The following CDC42SE2 variants were observed in gnomAD, a reference collection of about 807,000 sequenced individuals.
The protein encoded by CDC42SE2 is CDC42 small effector protein 2.
In CDC42SE2, 3 loss-of-function variants were observed where a neutral mutation model predicts 11.5. That is an observed-to-expected ratio of 0.26 (90% CI 0.12 to 0.67). CDC42SE2 has a LOEUF of 0.67. Among genes scored for constraint, CDC42SE2 ranks in the 30% least tolerant of loss-of-function variants. The probability of loss-of-function intolerance (pLI) is 0.80; values close to 1 mark genes in which losing one functional copy is unlikely to be tolerated. For missense variants in CDC42SE2, 82 were observed against 106.8 expected, an observed-to-expected ratio of 0.77 and a Z score of 1.02; for synonymous variants, 33 against 34.8, an observed-to-expected ratio of 0.95 and a Z score of 0.18.
chr5:131,306,326 A>G (rs1757776737), intron 1 of CDC42SE2, among the ~76,000 whole-genome samples: 1 of 152,178 alleles, frequency 6.6e-6, no homozygotes, highest in South Asian at 2.1e-4. Flanking sequence ...CCTCACAGAT[A>G]AGGGGAGACT....
intron 2 of CDC42SE2, among the ~76,000 whole-genome samples, chr5:131,355,505 A>G (rs1193786611): frequency 6.6e-6 from 1 of 151,974 alleles, no homozygotes; most frequent in Non-Finnish European, 1.5e-5. Context: ...AGAGAAAGAG[A>G]AGAGAGAGAA....
chr5:131,319,595 A>G (rs1758117931), intron 2 of CDC42SE2, among the ~76,000 whole-genome samples: 1 of 152,162 alleles, frequency 6.6e-6, no homozygotes, highest in African/African-American at 2.4e-5. Context: ...ACCCAAAAGA[A>G]TACTTAGAAA....
intron 2 of CDC42SE2, chr5:131,255,452 A>G (rs1287379391): frequency 6.6e-6 from 1 of 152,158 alleles, no homozygotes. Context: ...GCCATAATTT[A>G]GTTACTTTTA....
intron 3 of CDC42SE2, among the ~76,000 whole-genome samples, chr5:131,366,286 T>C (rs573793999): frequency 6.6e-6 from 1 of 152,324 alleles, no homozygotes; most frequent in African/African-American, 2.4e-5. Context: ...AGAAAGGCTC[T>C]TTTCAAAACT....
In CDC42SE2 at chr5:131,295,462, A is replaced by G. The variant is rs952972971; in HGVS notation, c.-454-20514A>G. Among the ~76,000 whole-genome samples the G allele has an allele frequency of 5.9e-5, 9 of 152,188 alleles. No homozygotes were observed. The East Asian group carries it at 9.6e-4, about 16-fold the overall frequency. On this transcript the variant is annotated intron_variant, in intron 1 of 4. Coordinates refer to ENST00000505065, the MANE Select transcript of CDC42SE2 (RefSeq NM_001375635.1). ...GTACTGCAAATGAAAAACAAGTTCT[A>G]CATATACAGAATGGTCTCCAAGACA...
intron 2 of CDC42SE2, among the ~76,000 whole-genome samples, chr5:131,258,004 G>A (rs1756692026): frequency 6.6e-6 from 1 of 151,956 alleles, no homozygotes; most frequent in South Asian, 2.1e-4. Context: ...CTGCAGCCCT[G>A]GTGCTGAGTC....
chr5:131,255,290 A>G (rs1756671238), intron 2 of CDC42SE2: 1 of 152,160 alleles, frequency 6.6e-6, no homozygotes, highest in Non-Finnish European at 1.5e-5. Flanking sequence ...TATATCATTA[A>G]TACATTTTAT....
intron 1 of CDC42SE2, among the ~76,000 whole-genome samples, chr5:131,253,308 C>T (rs1214790345): frequency 6.6e-6 from 1 of 152,188 alleles, no homozygotes; most frequent in African/African-American, 2.4e-5. Context: ...TGCTAAATTG[C>T]TGGATTGTCT....
chr5:131,359,619 T>C (rs767176791), intron 3 of CDC42SE2, 72 bp downstream of exon 3: 157 of 1,105,522 alleles, frequency 1.4e-4, no homozygotes, highest in South Asian at 5.6e-4. Context: ...AAACTGAGGA[T>C]TGGGATCCTA....
intron 1 of CDC42SE2, among the ~76,000 whole-genome samples, chr5:131,287,373 CTTTTA>C (rs1224909734): frequency 6.6e-6 from 1 of 152,050 alleles, no homozygotes; most frequent in African/African-American, 2.4e-5. Flanking sequence ...TTTTTCTTTT[CTTTTA>C]ATCTGAACCA....
Position 131,322,219 on chromosome 5 carries a change from A to G in CDC42SE2, c.-286+6075A>G, listed in dbSNP as rs1466133355. On this transcript the variant is annotated intron_variant, in intron 2 of 4. Coordinates refer to ENST00000505065, the MANE Select transcript of CDC42SE2 (RefSeq NM_001375635.1). ...TATCATCTTATCCATTTCTGAGTGTACAGTTGAGTAGTGTTAAGTATGTTC... is the reference window on the plus strand; with the variant it reads ...TATCATCTTATCCATTTCTGAGTGTGCAGTTGAGTAGTGTTAAGTATGTTC... 4.6e-5 allele frequency among the ~76,000 whole-genome samples: 7 copies of G among 152,304 alleles called. No individual in the cohort carries two copies. The East Asian group carries it at 1.4e-3, about 29-fold the overall frequency.
intron 4 of CDC42SE2, among the ~76,000 whole-genome samples, chr5:131,389,867 T>C (rs557853521): frequency 2.0e-5 from 3 of 152,318 alleles, no homozygotes; most frequent in Non-Finnish European, 4.4e-5. Context: ...CAAAATCATA[T>C]TGCTTGTGTT....
chr5:131,232,606 C>A, the CDC42SE2 span, among the ~76,000 whole-genome samples: 18 of 151,696 alleles, frequency 1.2e-4, no homozygotes, highest in Non-Finnish European at 2.2e-4. Flanking sequence ...TGTTGGCGGG[C>A]GCCTGTAATC....
At chr5:131,264,038 C>A (rs1331361561), upstream of CDC42SE2, 1 of 151,696 alleles carries the variant, frequency 6.6e-6, no homozygotes, top group African/African-American at 2.4e-5. Context: ...CGAGCCTGGG[C>A]GGGGAGGGGG....
At chr5:131,237,642 G>A in the CDC42SE2 span, among the ~76,000 whole-genome samples, 2 of 152,110 alleles carry the variant, frequency 1.3e-5, no homozygotes, top group African/African-American at 4.8e-5. Flanking sequence ...GCAGTGGCAC[G>A]AGCATAGCTT....
the CDC42SE2 span, among the ~76,000 whole-genome samples, chr5:131,228,806 C>T: frequency 6.6e-6 from 1 of 152,132 alleles, no homozygotes; most frequent in Non-Finnish European, 1.5e-5. Flanking sequence ...AACTTGCTCC[C>T]TTGAGCACAT....
At position 131,342,381 on chromosome 5, in the gene CDC42SE2, T is replaced by C. The variant is rs573866474; in HGVS notation, c.-285-16828T>C. 5.6e-5 allele frequency among the ~76,000 whole-genome samples: 8 copies of C among 143,512 alleles called. No individual in the cohort carries two copies. The East Asian group carries it at 1.6e-3, about 29-fold the overall frequency. The allele number at this position is 143,512 out of a possible 152,430, so 94.1% of individuals were successfully genotyped here. On this transcript the variant is annotated intron_variant, in intron 2 of 4. Coordinates refer to ENST00000505065, the MANE Select transcript of CDC42SE2 (RefSeq NM_001375635.1). ...GCACAGGTCAGAGATTTGCCATTTT[T>C]AATAGTCTTTTTTTTTTTTTTTTTT...
chr5:131,297,759 T>G (rs919709509), intron 1 of CDC42SE2, among the ~76,000 whole-genome samples: 33 of 151,636 alleles, frequency 2.2e-4, no homozygotes, highest in African/African-American at 7.5e-4. Flanking sequence ...AATTAAAAAT[T>G]ATAAAAATTA....
intron 3 of CDC42SE2, among the ~76,000 whole-genome samples, chr5:131,372,058 G>A (rs1750026283): frequency 1.3e-5 from 2 of 152,028 alleles, no homozygotes; most frequent in Admixed American, 1.3e-4. Flanking sequence ...GTCTACCTGG[G>A]TAACAGTTGG....
Sources: allele counts gnomAD v4.1 joint callset (sites outside exome capture counted in the v4.1 genomes callset), GRCh38; gene constraint gnomAD v4.1.1; transcripts MANE v1.5; gene names NCBI Gene and HGNC (gene_info 2026-07-23, HGNC 2026-07-21).